The following SNAP91 variants were observed in gnomAD, a reference collection of about 807,000 sequenced individuals.
SNAP91 encodes synaptosome associated protein 91.
In SNAP91, 27 loss-of-function variants were observed where a neutral mutation model predicts 100.3. That is an observed-to-expected ratio of 0.27 (90% CI 0.20 to 0.37). The LOEUF (loss-of-function observed/expected upper bound fraction) is 0.37. SNAP91 is among the 10% of genes least tolerant of loss of function. SNAP91 has a pLI of 1.00. For synonymous variants in SNAP91, 404 were observed against 398.6 expected, an observed-to-expected ratio of 1.01 and a Z score of -0.16; for missense variants, 986 against 1,123.7, an observed-to-expected ratio of 0.88 and a Z score of 1.75.
intron 14 of SNAP91, among the ~76,000 whole-genome samples, 161 bp downstream of exon 14, chr6:83,605,524 A>C (rs903280092): frequency 6.6e-6 from 1 of 152,172 alleles, no homozygotes; most frequent in Admixed American, 6.5e-5. Context: ...TCTCTCTCTC[A>C]ATATATATTT....
intron 8 of SNAP91, among the ~76,000 whole-genome samples, chr6:83,640,309 A>G (rs72903552): frequency 0.057 from 8,663 of 152,246 alleles, 357 homozygotes; most frequent in Non-Finnish European, 0.086. Context: ...CAGCAAAAAC[A>G]TGGCATGAAT....
intron 9 of SNAP91, among the ~76,000 whole-genome samples, chr6:83,622,663 T>A (rs1385675592): frequency 6.6e-6 from 1 of 151,086 alleles, no homozygotes; most frequent in Admixed American, 6.6e-5. Flanking sequence ...ACTATACCCA[T>A]GAATGACCTT....
Position 83,617,023 on chromosome 6 carries a change from A to T in SNAP91, c.824T>A (p.Met275Lys). The T allele has an allele frequency of 6.5e-7, 1 of 1,545,450 alleles. No homozygotes were observed. Among genetic ancestry groups the T allele is most frequent in the Non-Finnish European group, 8.7e-7 (1 of 1,143,894 alleles). Reference sequence around the variant, plus strand: ...ATTTAGATGCTGTTCAAGCGTCTCCATAAGACTGCTGGGAGCCTACAATAA... The same window carrying T: ...ATTTAGATGCTGTTCAAGCGTCTCCTTAAGACTGCTGGGAGCCTACAATAA... ...PDLTQAPSSL[M>K]ETLEQHLNTL... The change falls in exon 10 of 30, where the codon ATG (methionine) becomes AAG (lysine). Residue 275 changes from methionine (M) to lysine (K), a missense_variant. Physicochemically the swap from Met to Lys is moderately conservative, Grantham distance 95. Coordinates refer to ENST00000369694, the MANE Select transcript of SNAP91 (RefSeq NM_001242792.2).
intron 22 of SNAP91, among the ~76,000 whole-genome samples, chr6:83,590,949 T>C (rs2093655601): frequency 1.3e-5 from 2 of 151,570 alleles, no homozygotes; most frequent in African/African-American, 4.9e-5. Context: ...TCAATTTTGT[T>C]TTAGATTTGG....
intron 28 of SNAP91, among the ~76,000 whole-genome samples, chr6:83,558,008 A>G (rs541165213): frequency 6.6e-6 from 1 of 152,036 alleles, no homozygotes; most frequent in Non-Finnish European, 1.5e-5. Flanking sequence ...TACCTGGCTT[A>G]TTATGAATTC....
intron 7 of SNAP91, among the ~76,000 whole-genome samples, chr6:83,650,586 T>G (rs2098158357): frequency 1.3e-5 from 2 of 152,056 alleles, no homozygotes; most frequent in Non-Finnish European, 2.9e-5. Context: ...CCCAGCTAAT[T>G]TTTGTATTTT....
At chr6:83,650,485 C>T (rs2098151851) in intron 7 of SNAP91, among the ~76,000 whole-genome samples, 2 of 152,084 alleles carry the variant, frequency 1.3e-5, no homozygotes, top group South Asian at 4.2e-4. Context: ...GTGGCACAAT[C>T]TCAGCTCACT....
intron 26 of SNAP91, 106 bp downstream of exon 26, chr6:83,574,904 G>T: frequency 1.5e-6 from 1 of 682,058 alleles, no homozygotes; most frequent in Non-Finnish European, 2.5e-6. Flanking sequence ...TCAATGCAGA[G>T]GAATAAGTAC....
intron 9 of SNAP91, among the ~76,000 whole-genome samples, chr6:83,620,087 TAAA>T (rs903565969): frequency 2.6e-5 from 4 of 152,182 alleles, no homozygotes; most frequent in Non-Finnish European, 4.4e-5. Context: ...GTGTACAAGT[TAAA>T]AAGGGTTACA....
At chr6:83,637,712 A>T (rs577789411) in intron 8 of SNAP91, among the ~76,000 whole-genome samples, 1 of 152,258 alleles carries the variant, frequency 6.6e-6, no homozygotes, top group Admixed American at 6.5e-5. Context: ...GAAGGGAGGG[A>T]CACCCAGCTC....
intron 2 of SNAP91, among the ~76,000 whole-genome samples, chr6:83,703,982 C>T (rs1394527982): frequency 6.6e-6 from 1 of 152,142 alleles, no homozygotes; most frequent in African/African-American, 2.4e-5. Flanking sequence ...CCAATTTACA[C>T]CTGCAGATGT....
At chr6:83,554,610 G>A (rs1156742142) in intron 29 of SNAP91, among the ~76,000 whole-genome samples, 1 of 152,090 alleles carries the variant, frequency 6.6e-6, no homozygotes, top group African/African-American at 2.4e-5. Context: ...GTATCTAAGA[G>A]CAGCCAACCT....
chr6:83,561,458 T>C (rs952518432), intron 26 of SNAP91, among the ~76,000 whole-genome samples: 1 of 152,176 alleles, frequency 6.6e-6, no homozygotes, highest in African/African-American at 2.4e-5. Context: ...AAAAGGAAAA[T>C]GGTTCTAGCA....
At chr6:83,657,244 T>C (rs1332618650) in intron 6 of SNAP91, among the ~76,000 whole-genome samples, 1 of 152,180 alleles carries the variant, frequency 6.6e-6, no homozygotes, top group Non-Finnish European at 1.5e-5. Flanking sequence ...TCCAGGGGCC[T>C]GCAATGACTC....
At chr6:83,626,019 A>C (rs2096914147) in intron 8 of SNAP91, among the ~76,000 whole-genome samples, 1 of 151,890 alleles carries the variant, frequency 6.6e-6, no homozygotes, top group Non-Finnish European at 1.5e-5. Context: ...ATCCATCTTT[A>C]GTAAATTTTT....
intron 6 of SNAP91, among the ~76,000 whole-genome samples, 182 bp downstream of exon 6, chr6:83,658,817 T>G (rs536672441): frequency 1.3e-5 from 2 of 152,296 alleles, no homozygotes; most frequent in East Asian, 3.9e-4. Flanking sequence ...CCTGGTAAAC[T>G]GCTTAGAAAA....
chr6:83,589,322 GTAC>G (rs1015412821), intron 22 of SNAP91, among the ~76,000 whole-genome samples: 78 of 152,308 alleles, frequency 5.1e-4, no homozygotes, highest in African/African-American at 1.8e-3. Flanking sequence ...TGTGTTAAGT[GTAC>G]TGCCTCTTAT....
At chr6:83,569,305 C>T (rs1176486915) in intron 26 of SNAP91, among the ~76,000 whole-genome samples, 1 of 152,060 alleles carries the variant, frequency 6.6e-6, no homozygotes, top group Non-Finnish European at 1.5e-5. Context: ...ATTTCACTTT[C>T]TGGGGTTTAA....
intron 28 of SNAP91, among the ~76,000 whole-genome samples, chr6:83,558,840 T>G (rs1258717178): frequency 1.3e-5 from 2 of 152,214 alleles, no homozygotes; most frequent in Non-Finnish European, 2.9e-5. Flanking sequence ...TTTCTCATGA[T>G]GAAAACTTCT....
Sources: gnomAD v4.1 joint callset for allele counts (sites outside exome capture counted in the v4.1 genomes callset) on GRCh38, gnomAD v4.1.1 for gene constraint, MANE v1.5 for transcripts, NCBI Gene and HGNC (gene_info 2026-07-23, HGNC 2026-07-21) for gene names.